PALMD: variants seen among roughly 807,000 people sequenced by gnomAD.
PALMD encodes the protein palmdelphin, also known as paralemmin-like protein.
In PALMD, 42 loss-of-function variants were observed where a neutral mutation model predicts 56.2. That is an observed-to-expected ratio of 0.75 (90% CI 0.58 to 0.97). The LOEUF (loss-of-function observed/expected upper bound fraction) is 0.97. Ranked by LOEUF, PALMD falls within the 50% of genes least tolerant of loss-of-function variation. PALMD has a pLI of 0.00. For synonymous variants in PALMD, 242 were observed against 222.9 expected (o/e 1.09, Z -0.76); for missense variants, 660 against 643.8 (o/e 1.03, Z -0.27).
chr1:99,662,326 GA>G lies in PALMD; in HGVS notation c.58del (p.Ile20TyrfsTer10). 6.5e-7 allele frequency: 1 copy of G among 1,532,364 alleles called. No individual in the cohort carries two copies. The highest frequency in any genetic ancestry group is 9.0e-7 in the Non-Finnish European group (1 of 1,114,126). 94.9% of individuals were successfully genotyped at this position (1,532,364 alleles called of 1,614,324 possible). A position where few individuals can be genotyped will look rare whatever the true frequency, so the allele number is the denominator to read the frequency against. Reference protein sequence around the residue: ...KGRLQAITDKRKIQEEISQKR... With the variant: ...KGRLQAITDKXKIQEEISQKR... ...GGAACTTTTTTATTTCAGGATAAAA[GA>G]AAAATACAGGAAGAAATCTCACAGA... On this transcript the variant is annotated frameshift_variant, in exon 2 of 8. Coordinates refer to ENST00000263174, the MANE Select transcript of PALMD (RefSeq NM_017734.5). LOFTEE classifies it high-confidence loss of function.
intron 1 of PALMD, among the ~76,000 whole-genome samples, chr1:99,652,302 C>T (rs1276486604): frequency 3.9e-5 from 6 of 152,122 alleles, no homozygotes; most frequent in Admixed American, 3.9e-4. Context: ...GACCCCTGTT[C>T]AGGACTTCCG....
Position 99,689,354 on chromosome 1 carries a change from C to G in PALMD, c.1094C>G (p.Pro365Arg). Residue 365 changes from proline to arginine, a missense_variant, in exon 7 of 8, where the codon CCA becomes CGA. Physicochemically the swap from Pro to Arg is moderately radical, Grantham distance 103. Coordinates refer to ENST00000263174, the MANE Select transcript of PALMD (RefSeq NM_017734.5). ...NVMQDKDAPS[P>R]KPRLSPRETI... ...ATGCAGGACAAAGATGCACCCTCTC[C>G]AAAGCCAAGGCTGAGCCCCAGAGAG... 6.2e-7 allele frequency: 1 copy of G among 1,613,722 alleles called. No homozygotes were observed. The highest frequency in any genetic ancestry group is 1.1e-5 in the South Asian group (1 of 91,072).
intron 3 of PALMD, among the ~76,000 whole-genome samples, chr1:99,674,169 T>C (rs1043363497): frequency 4.6e-5 from 7 of 152,166 alleles, no homozygotes; most frequent in Admixed American, 1.3e-4. Context: ...TTTATTTCCT[T>C]ATCCCGACCT....
In PALMD at chr1:99,689,326, G is replaced by A; in HGVS notation, c.1066G>A (p.Val356Ile). 6.2e-7 allele frequency: 1 copy of A among 1,613,636 alleles called. No homozygotes were observed. The highest frequency in any genetic ancestry group is 8.5e-7 in the Non-Finnish European group (1 of 1,179,842). Residue 356 changes from valine to isoleucine, a missense_variant, in exon 7 of 8, where the codon GTC becomes ATC. Physicochemically the swap from Val to Ile is conservative, Grantham distance 29. Transcript: ENST00000263174. ...AATGACTCCTTGGGAAGAATCGAAT[G>A]TCATGCAGGACAAAGATGCACCCTC... is the stretch of plus-strand genomic sequence containing the variant. ...RLMTPWEESNVMQDKDAPSPK... is the reference protein window; with the variant it reads ...RLMTPWEESNIMQDKDAPSPK...
chr1:99,678,277 G>A (rs1035389018), intron 3 of PALMD, among the ~76,000 whole-genome samples: 2 of 151,784 alleles, frequency 1.3e-5, no homozygotes, highest in Non-Finnish European at 2.9e-5. Flanking sequence ...GCTAATTTTT[G>A]TATTTTTAGT....
chr1:99,662,430 A>T (rs1330446635), intron 2 of PALMD, 31 bp downstream of exon 2: 1 of 1,232,774 alleles, frequency 8.1e-7, no homozygotes, highest in East Asian at 2.3e-5. Context: ...CATTTCAATG[A>T]TTTTGTATTC....
intron 1 of PALMD, among the ~76,000 whole-genome samples, chr1:99,651,901 T>C (rs12087959): frequency 0.042 from 6,341 of 152,322 alleles, 430 homozygotes; most frequent in African/African-American, 0.15. Context: ...CTATTAAATG[T>C]ATCAGTGATT....
rs1347424724 is a variant in PALMD at position 99,683,050 on chromosome 1, AAGAAAGAGAG to A, written c.252-3622_252-3613del. On this transcript the variant is annotated intron_variant, in intron 3 of 7. Coordinates refer to ENST00000263174, the MANE Select transcript of PALMD (RefSeq NM_017734.5). ...AAAGAAAGAAAGAAAGAAAGAAAGA[AAGAAAGAGAG>A]AGAGAGAGAGAGAGAGAGAGAGAGA... Among the ~76,000 whole-genome samples, 33 of 15,390 alleles carry A rather than the reference AAGAAAGAGAG, an allele frequency of 2.1e-3. 3 individuals are homozygous for A. Among genetic ancestry groups the A allele is most frequent in the Admixed American group, 6.0e-3 (7 of 1,160 alleles). 10.1% of individuals were successfully genotyped at this position (15,390 alleles called of 152,430 possible).
At chr1:99,660,006 C>T (rs1228083528) in intron 1 of PALMD, among the ~76,000 whole-genome samples, 3 of 152,182 alleles carry the variant, frequency 2.0e-5, no homozygotes, top group Non-Finnish European at 4.4e-5. Context: ...CAAACCAGCC[C>T]AAACTGGCAA....
At position 99,662,305 on chromosome 1, in the gene PALMD, C is replaced by G. The variant is rs749689093; in HGVS notation, c.46-14C>G. On this transcript the variant is annotated splice_polypyrimidine_tract_variant and intron_variant, in intron 1 of 7. Transcript: ENST00000263174. The stretch of plus-strand genomic sequence containing the variant: ...ATTTTAAAAATAAAATATACTGGAA[C>G]TTTTTTATTTCAGGATAAAAGAAAA... The G allele has an allele frequency of 2.2e-6, 3 of 1,391,918 alleles. No homozygotes were observed. The highest frequency in any genetic ancestry group is 2.9e-5 in the African/African-American group (2 of 69,502). 86.2% of individuals were successfully genotyped at this position (1,391,918 alleles called of 1,614,324 possible).
In PALMD at chr1:99,689,332, C is replaced by T; in HGVS notation, c.1072C>T (p.Gln358Ter). 1 of 1,613,566 alleles carries T rather than the reference C, an allele frequency of 6.2e-7. No homozygotes were observed. Among genetic ancestry groups the T allele is most frequent in the Non-Finnish European group, 8.5e-7 (1 of 1,179,804 alleles). The change falls in exon 7 of 8, where the codon CAG becomes TAG. Residue 358 changes from glutamine (Q) to a stop codon, truncating the protein, a stop_gained. Coordinates refer to ENST00000263174, the MANE Select transcript of PALMD (RefSeq NM_017734.5). LOFTEE classifies it high-confidence loss of function. ...MTPWEESNVM[Q>*]DKDAPSPKPR... The stretch of plus-strand genomic sequence containing the variant: ...TCCTTGGGAAGAATCGAATGTCATG[C>T]AGGACAAAGATGCACCCTCTCCAAA...
At chr1:99,648,888 CA>C (rs34722891) in intron 1 of PALMD, among the ~76,000 whole-genome samples, 2,002 of 126,880 alleles carry the variant, frequency 0.016, 21 homozygotes, top group African/African-American at 0.037. Context: ...TTCTTTTTCT[CA>C]AAAAAAAAAA....
chr1:99,656,806 G>T (rs949339761), intron 1 of PALMD, among the ~76,000 whole-genome samples: 4 of 152,148 alleles, frequency 2.6e-5, no homozygotes, highest in Non-Finnish European at 5.9e-5. Context: ...TTCTAAGCAA[G>T]CCACTTAACC....
intron 2 of PALMD, among the ~76,000 whole-genome samples, chr1:99,666,800 T>C (rs1328567781): frequency 6.6e-6 from 1 of 152,174 alleles, no homozygotes; most frequent in Non-Finnish European, 1.5e-5. Context: ...TTAAAGCCCA[T>C]CCAAAATTTA....
intron 3 of PALMD, among the ~76,000 whole-genome samples, chr1:99,672,308 T>C (rs2100864910): frequency 6.6e-6 from 1 of 152,320 alleles, no homozygotes; most frequent in East Asian, 1.9e-4. Flanking sequence ...AGGGGAAGCC[T>C]ATATTGAACG....
intron 1 of PALMD, among the ~76,000 whole-genome samples, chr1:99,651,285 G>A (rs1652580950): frequency 6.6e-6 from 1 of 152,146 alleles, no homozygotes; most frequent in South Asian, 2.1e-4. Flanking sequence ...CATGTGATGA[G>A]GTATAATAGT....
intron 7 of PALMD, among the ~76,000 whole-genome samples, chr1:99,690,938 C>T (rs1354178268): frequency 4.6e-5 from 7 of 152,190 alleles, no homozygotes; most frequent in African/African-American, 1.7e-4. Flanking sequence ...AACCCATAAG[C>T]CCAATATTAG....
intron 3 of PALMD, among the ~76,000 whole-genome samples, chr1:99,674,344 C>T (rs568695224): frequency 6.6e-6 from 1 of 152,250 alleles, no homozygotes; most frequent in South Asian, 2.1e-4. Context: ...AACAGCTACT[C>T]TTTATGGAGC....
intron 1 of PALMD, among the ~76,000 whole-genome samples, chr1:99,651,471 A>G (rs1652585748): frequency 6.6e-6 from 1 of 152,234 alleles, no homozygotes; most frequent in Non-Finnish European, 1.5e-5. Flanking sequence ...CTGTGATTAA[A>G]ACAAATTAGA....
Sources: allele counts gnomAD v4.1 joint callset (sites outside exome capture counted in the v4.1 genomes callset), GRCh38; gene constraint gnomAD v4.1.1; transcripts MANE v1.5; gene names NCBI Gene and HGNC (gene_info 2026-07-23, HGNC 2026-07-21).